The following EHMT2 variants were observed in gnomAD, a reference collection of about 807,000 sequenced individuals.
EHMT2 encodes the protein euchromatic histone lysine methyltransferase 2.
Under a neutral mutation model 143.3 loss-of-function variants are expected in EHMT2, and 59 were observed. That is an observed-to-expected ratio of 0.41 (90% confidence interval 0.33 to 0.51). The LOEUF (loss-of-function observed/expected upper bound fraction) is 0.51. Ranked by LOEUF, EHMT2 falls within the 20% of genes least tolerant of loss-of-function variation. The probability of loss-of-function intolerance (pLI) is 0.18; values close to 1 mark genes in which losing one functional copy is unlikely to be tolerated. For synonymous variants in EHMT2, 604 were observed against 651.5 expected (o/e 0.93, Z 1.11); for missense variants, 1,174 against 1,645.9 (o/e 0.71, Z 4.96).
chr6:31,896,301 G>A lies in EHMT2; in HGVS notation c.544C>T (p.Arg182Ter), dbSNP rs1167574978. Residue 182 changes from arginine to a stop codon, truncating the protein, a stop_gained, in exon 4 of 28, where the codon CGA (arginine) becomes TGA (stop). Transcript: ENST00000375537. LOFTEE classifies it high-confidence loss of function. ...GGTTTGGACATGGTTTTGCGGGCTC[G>A]GTGGACCTTGGGCTGTCCCTCTGGG... is the stretch of plus-strand genomic sequence containing the variant. 3 of 1,612,894 alleles carry A rather than the reference G, an allele frequency of 1.9e-6. No homozygotes were observed. The highest frequency in any genetic ancestry group is 2.5e-6 in the Non-Finnish European group (3 of 1,179,938).
Position 31,889,188 on chromosome 6 carries a change from G to A in EHMT2, c.1114+40C>T, listed in dbSNP as rs1028837658. 36 of 1,567,902 alleles carry A rather than the reference G, an allele frequency of 2.3e-5. No homozygotes were observed. Among genetic ancestry groups the A allele is most frequent in the Non-Finnish European group, 2.5e-5 (29 of 1,155,834 alleles). ...GTGCACACACTCTGGGGGGCCGGGC[G>A]GGGGCTGGAGGGCACCCAAAAGCAG... is the stretch of plus-strand genomic sequence containing the variant. On this transcript the variant is annotated intron_variant, in intron 9 of 27. Transcript: ENST00000375537. The surrounding 1 kb of genome is among the most constrained non-coding windows in gnomAD (Gnocchi z 5.1).
chr6:31,889,615 C>G lies in EHMT2; in HGVS notation c.865-13G>C. On this transcript the variant is annotated splice_polypyrimidine_tract_variant and intron_variant, in intron 7 of 27. Transcript: ENST00000375537. This position sits in a 1 kb window ranked among gnomAD's most constrained non-coding sequence, Gnocchi z 5.1. ...CTTCAACTTCAGACTGGGAGAGAGG[C>G]AGAACAGACATATCCAACCCCCAGG... 1 of 1,608,988 alleles carries G rather than the reference C, an allele frequency of 6.2e-7. No individual in the cohort carries two copies. Among genetic ancestry groups the G allele is most frequent in the South Asian group, 1.1e-5 (1 of 91,082 alleles).
At chr6:31,885,129 G>C (rs1375116555) in intron 18 of EHMT2, 113 bp from the exon 19 acceptor site, 1 of 1,381,398 alleles carries the variant, frequency 7.2e-7, no homozygotes, top group East Asian at 2.6e-5. Flanking sequence ...ACAAGCTGTG[G>C]GACCCTGGGT....
In EHMT2 at chr6:31,880,905, C is replaced by A. The variant is rs1178475109; in HGVS notation, c.3277-57G>T. On this transcript the variant is annotated intron_variant, in intron 26 of 27. Transcript: ENST00000375537. This position sits in a 1 kb window ranked among gnomAD's most constrained non-coding sequence, Gnocchi z 6.6. ...CCCCCGACCCTGCTTGCCCTCCCCACCCACTGACTCCCCAGTCCCTCCTCC... is the reference window on the plus strand; with the variant it reads ...CCCCCGACCCTGCTTGCCCTCCCCAACCACTGACTCCCCAGTCCCTCCTCC... 6.2e-7 allele frequency: 1 copy of A among 1,608,736 alleles called. No individual in the cohort carries two copies. Among genetic ancestry groups the A allele is most frequent in the African/African-American group, 1.3e-5 (1 of 74,820 alleles).
At position 31,889,281 on chromosome 6, in the gene EHMT2, T is replaced by G; in HGVS notation, c.1061A>C (p.Lys354Thr). 6.2e-7 allele frequency: 1 copy of G among 1,612,404 alleles called. No homozygotes were observed. Among genetic ancestry groups the G allele is most frequent in the South Asian group, 1.1e-5 (1 of 91,074 alleles). ...CCGCTTGCGCCGTTTCCGAGACGGCTTCACCCATGGGCTGTCTTTTCGCCA... is the reference window on the plus strand; with the variant it reads ...CCGCTTGCGCCGTTTCCGAGACGGCGTCACCCATGGGCTGTCTTTTCGCCA... The change falls in exon 9 of 28, where the codon AAG (lysine) becomes ACG (threonine). Residue 354 changes from lysine (K) to threonine (T), a missense_variant. Lys to Thr is a moderately conservative substitution (Grantham distance 78, BLOSUM62 -1). This residue lies in a region of EHMT2 where 608 missense variants were observed against 903.7 expected (regional missense o/e 0.67). Transcript: ENST00000375537. This position sits in a 1 kb window ranked among gnomAD's most constrained non-coding sequence, Gnocchi z 5.1.
chr6:31,892,887 G>C, exon 5 of EHMT2: 1 of 1,585,156 alleles, frequency 6.3e-7, no homozygotes, highest in Non-Finnish European at 8.6e-7. Flanking sequence ...GTATTTCAGG[G>C]GGCCGCTTCT....
Position 31,880,109 on chromosome 6 carries a change from C to A in EHMT2, c.3608G>T (p.Gly1203Val). The A allele has an allele frequency of 1.2e-6, 2 of 1,612,702 alleles. No individual in the cohort carries two copies. The highest frequency in any genetic ancestry group is 2.2e-5 in the South Asian group (2 of 91,058). ...TCATGTGTTGACAGGGGGCAGGGAG[C>A]CGAGCTCGGGCAGCAGCTCAGGGTG... The change falls in exon 28 of 28, where the codon GGC becomes GTC. Residue 1203 changes from glycine to valine, a missense_variant. Transcript: ENST00000375537. This position sits in a 1 kb window ranked among gnomAD's most constrained non-coding sequence, Gnocchi z 6.6.
intron 14 of EHMT2, 55 bp from the exon 15 acceptor site, chr6:31,887,714 T>A: frequency 6.2e-7 from 1 of 1,608,588 alleles, no homozygotes; most frequent in Non-Finnish European, 8.5e-7. Flanking sequence ...GATTCCAGCA[T>A]CAGCCTCGAC....
intron 4 of EHMT2, 70 bp downstream of exon 4, chr6:31,896,193 T>C: frequency 6.5e-7 from 1 of 1,536,388 alleles, no homozygotes; most frequent in Non-Finnish European, 8.8e-7. Flanking sequence ...AGTAGAAGCC[T>C]TAAGTGAAAC....
At position 31,881,195 on chromosome 6, in the gene EHMT2, G is replaced by C. The variant is rs1764059477; in HGVS notation, c.3198-103C>G. 4 of 1,029,526 alleles carry C rather than the reference G, an allele frequency of 3.9e-6. No individual in the cohort carries two copies. Among genetic ancestry groups the C allele is most frequent in the Non-Finnish European group, 4.5e-6 (3 of 660,258 alleles). 63.8% of individuals were successfully genotyped at this position (1,029,526 alleles called of 1,614,324 possible). A position where few individuals can be genotyped will look rare whatever the true frequency, so the allele number is the denominator to read the frequency against. On this transcript the variant is annotated intron_variant, in intron 25 of 27. Coordinates refer to ENST00000375537, the Ensembl canonical transcript of EHMT2. The surrounding 1 kb of genome is among the most constrained non-coding windows in gnomAD (Gnocchi z 4.8). ...AAGCCTGTGGAATCTGGAATGGGCA[G>C]GGCTGGCAGGTGTGGGGAAGGGAAG...
chr6:31,887,847 G>A (rs759789882), exon 14 of EHMT2: 21 of 1,610,802 alleles, frequency 1.3e-5, no homozygotes, highest in East Asian at 2.2e-5. Context: ...GCAGCCCCAC[G>A]GCTGAAAGGC....
At position 31,896,535 on chromosome 6, in the gene EHMT2, A is replaced by T; in HGVS notation, c.329-19T>A. On this transcript the variant is annotated intron_variant, in intron 3 of 27. Coordinates refer to ENST00000375537, the Ensembl canonical transcript of EHMT2. Reference sequence around the variant, plus strand: ...GCATGGCCTAGAAAACAGGCAAGCAAAAGGCAAGATAAGAAAGAAGGCAAG... The same window carrying T: ...GCATGGCCTAGAAAACAGGCAAGCATAAGGCAAGATAAGAAAGAAGGCAAG... The T allele has an allele frequency of 6.2e-7, 1 of 1,611,452 alleles. No homozygotes were observed. The highest frequency in any genetic ancestry group is 1.1e-5 in the South Asian group (1 of 91,000).
In EHMT2 at chr6:31,892,799, C is replaced by T. The variant is rs9267661; in HGVS notation, c.667+27G>A. 0.023 allele frequency: 37,001 copies of T among 1,612,230 alleles called. 759 individuals carry two copies. Among genetic ancestry groups the T allele is most frequent in the African/African-American group, 0.085 (6,362 of 75,018 alleles). Reference sequence around the variant, plus strand: ...AACCTTCAGAACAGACCACATCAAGCCACCGGGGGTGGGGGATGGGACTGA... The same window carrying T: ...AACCTTCAGAACAGACCACATCAAGTCACCGGGGGTGGGGGATGGGACTGA... On this transcript the variant is annotated intron_variant, in intron 5 of 27. Transcript: ENST00000375537.
exon 28 of EHMT2, chr6:31,879,980 GAGA>G: frequency 1.5e-6 from 2 of 1,302,844 alleles, no homozygotes; most frequent in Admixed American, 2.1e-5. Flanking sequence ...GTGGTGGGGA[GAGA>G]AGATGGCAGC....
exon 7 of EHMT2, chr6:31,892,505 G>T: frequency 6.2e-7 from 1 of 1,612,972 alleles, no homozygotes; most frequent in East Asian, 2.2e-5. Context: ...AGGGACCCGG[G>T]GTCCCCTTTC....
intron 1 of EHMT2, chr6:31,897,317 C>G (rs1562526672): frequency 1.8e-6 from 1 of 565,298 alleles, no homozygotes; most frequent in Non-Finnish European, 2.6e-6. Context: ...CGCGGGGACC[C>G]CGGGCACCAA....
Position 31,883,559 on chromosome 6 carries a change from G to T in EHMT2, c.2917-120C>A. On this transcript the variant is annotated intron_variant, in intron 22 of 27. Coordinates refer to ENST00000375537, the Ensembl canonical transcript of EHMT2. The surrounding 1 kb of genome is among the most constrained non-coding windows in gnomAD (Gnocchi z 5.6). Reference sequence around the variant, plus strand: ...TTGGGGTCCATGTGTTACAACAGTGGGTGGTGATGGTCCTAGGGTGACGGG... The same window carrying T: ...TTGGGGTCCATGTGTTACAACAGTGTGTGGTGATGGTCCTAGGGTGACGGG... The T allele has an allele frequency of 9.0e-7, 1 of 1,114,486 alleles. No individual in the cohort carries two copies. Among genetic ancestry groups the T allele is most frequent in the Non-Finnish European group, 1.3e-6 (1 of 755,488 alleles). The allele number at this position is 1,114,486 out of a possible 1,614,324, so 69.0% of individuals were successfully genotyped here.
In EHMT2 at chr6:31,880,885, G is replaced by A. The variant is rs1246295053; in HGVS notation, c.3277-37C>T. On this transcript the variant is annotated intron_variant, in intron 26 of 27. Coordinates refer to ENST00000375537, the Ensembl canonical transcript of EHMT2. The surrounding 1 kb of genome is among the most constrained non-coding windows in gnomAD (Gnocchi z 6.6). ...GGATGGCACTCTTCACATCTCCCCC[G>A]ACCCTGCTTGCCCTCCCCACCCACT... The A allele has an allele frequency of 1.7e-5, 28 of 1,610,650 alleles. No individual in the cohort carries two copies. Among genetic ancestry groups the A allele is most frequent in the Middle Eastern group, 1.7e-4 (1 of 6,050 alleles).
rs1763976044 is a variant in EHMT2, at chr6:31,880,605, C to T, written c.3452+68G>A. The T allele has an allele frequency of 6.5e-7, 1 of 1,542,610 alleles. No individual in the cohort carries two copies. The highest frequency in any genetic ancestry group is 8.9e-7 in the Non-Finnish European group (1 of 1,124,654). ...GCCTGGACACCAGGTACATGCCAGC[C>T]TTCAGGTCCCAGGTTTGCTGCATCT... On this transcript the variant is annotated intron_variant, in intron 27 of 27. Coordinates refer to ENST00000375537, the Ensembl canonical transcript of EHMT2. This position sits in a 1 kb window ranked among gnomAD's most constrained non-coding sequence, Gnocchi z 6.6.
Sources: allele counts gnomAD v4.1 joint callset, GRCh38; gene constraint gnomAD v4.1.1; regional missense constraint gnomAD v4.1.1; non-coding constraint Gnocchi (gnomAD v3.1); transcripts MANE v1.5; gene names NCBI Gene and HGNC (gene_info 2026-07-23, HGNC 2026-07-21).